Variants in SEMA5A observed in about 807,000 individuals in gnomAD.
The protein encoded by SEMA5A is semaphorin-5A.
A neutral mutation model predicts 135.5 loss-of-function variants in SEMA5A; 55 were observed. The observed-to-expected ratio is 0.41, with a 90% CI of 0.33 to 0.51. The LOEUF is 0.51. Among genes scored for constraint, SEMA5A ranks in the 20% least tolerant of loss-of-function variants. The probability of loss-of-function intolerance (pLI) is 0.37; values close to 1 mark genes in which losing one functional copy is unlikely to be tolerated. For synonymous variants in SEMA5A, 580 were observed against 546.5 expected, an observed-to-expected ratio of 1.06 and a Z score of -0.85; for missense variants, 1,290 against 1,419.9, an observed-to-expected ratio of 0.91 and a Z score of 1.47.
intron 1 of SEMA5A, among the ~76,000 whole-genome samples, chr5:9,490,879 G>A (rs1734968445): frequency 6.6e-6 from 1 of 152,146 alleles, no homozygotes; most frequent in Non-Finnish European, 1.5e-5. Context: ...CAATGCTCAG[G>A]CTGTCCCCAC....
At chr5:9,290,695 T>C (rs1051269260) in intron 5 of SEMA5A, among the ~76,000 whole-genome samples, 2 of 152,330 alleles carry the variant, frequency 1.3e-5, no homozygotes, top group Non-Finnish European at 2.9e-5. Context: ...CATTGATATA[T>C]GTGTATATAC....
chr5:9,253,415 A>G (rs1318320596), intron 5 of SEMA5A, among the ~76,000 whole-genome samples: 1 of 152,176 alleles, frequency 6.6e-6, no homozygotes, highest in African/African-American at 2.4e-5. Context: ...AAATCAAGCC[A>G]CATACACATA....
rs904790449 is a variant in SEMA5A at position 9,315,257 on chromosome 5, T to C, written c.270+3115A>G. ...ATTTGCCTCTGCACATGTGTATAGCTTCTATGTATGTATGTGTATAACAAT... is the reference window on the plus strand; with the variant it reads ...ATTTGCCTCTGCACATGTGTATAGCCTCTATGTATGTATGTGTATAACAAT... On this transcript the variant is annotated intron_variant, in intron 5 of 22. Transcript: ENST00000382496. Among the ~76,000 whole-genome samples the C allele has an allele frequency of 2.0e-5, 3 of 152,294 alleles. No homozygotes were observed. In the East Asian group the frequency reaches 5.8e-4, roughly 29 times the overall value.
intron 2 of SEMA5A, among the ~76,000 whole-genome samples, chr5:9,415,132 C>A (rs1439012450): frequency 6.6e-6 from 1 of 152,172 alleles, no homozygotes; most frequent in African/African-American, 2.4e-5. Context: ...CAAAAAGTTG[C>A]ATTTTTCAGT....
intron 5 of SEMA5A, among the ~76,000 whole-genome samples, chr5:9,280,145 A>G (rs1750465630): frequency 6.6e-6 from 1 of 152,186 alleles, no homozygotes; most frequent in African/African-American, 2.4e-5. Context: ...TGTCAAAAGC[A>G]AATCTAATAC....
At chr5:9,119,733 A>G (rs1740708525) in intron 14 of SEMA5A, among the ~76,000 whole-genome samples, 1 of 152,210 alleles carries the variant, frequency 6.6e-6, no homozygotes, top group South Asian at 2.1e-4. Context: ...AATAATATTC[A>G]AAGCTTTAAA....
intron 12 of SEMA5A, among the ~76,000 whole-genome samples, chr5:9,154,093 A>ATATATATATGTGTGTG (rs372321939): frequency 1.4e-5 from 1 of 73,506 alleles, no homozygotes. Flanking sequence ...ATATATATAT[A>ATATATATATGTGTGTG]TGTGTGTGTG....
intron 1 of SEMA5A, among the ~76,000 whole-genome samples, chr5:9,533,930 C>A (rs1369099758): frequency 6.6e-6 from 1 of 152,170 alleles, no homozygotes; most frequent in Admixed American, 6.5e-5. Context: ...AATTATCAAG[C>A]AAAACCGCAA....
intron 1 of SEMA5A, among the ~76,000 whole-genome samples, chr5:9,456,744 A>G (rs1363250108): frequency 1.3e-5 from 2 of 152,208 alleles, no homozygotes; most frequent in East Asian, 1.9e-4. Context: ...CAAGGGGGGA[A>G]AAACAGCACT....
intron 10 of SEMA5A, among the ~76,000 whole-genome samples, chr5:9,196,261 GTAGTAAATGA>G (rs1355016416): frequency 2.6e-5 from 4 of 152,198 alleles, no homozygotes; most frequent in African/African-American, 9.7e-5. Flanking sequence ...GGTCTTAATG[GTAGTAAATGA>G]GGGTAAGTGA....
At chr5:9,045,741 C>T (rs118024253) in intron 21 of SEMA5A, 2 of 152,282 alleles carry the variant, frequency 1.3e-5, no homozygotes, top group East Asian at 3.9e-4. Context: ...CATGAAATGA[C>T]CTTCTTTTCC....
rs192961245 is a variant in SEMA5A, at chr5:9,036,865, C to G, written c.*6032G>C. On this transcript the variant is annotated 3_prime_UTR_variant, in exon 23 of 23. Transcript: ENST00000382496. ...AACTTTTTCTAGGAAATTAAACTAC[C>G]GCACTTACAGAGAGGGAAGAAAATG... is the stretch of plus-strand genomic sequence containing the variant. 1 of 152,512 alleles carries G rather than the reference C, an allele frequency of 6.6e-6. No individual in the cohort carries two copies. The highest frequency in any genetic ancestry group is 2.4e-5 in the African/African-American group (1 of 41,402). The allele number at this position is 152,512 out of a possible 1,614,324, so 9.4% of individuals were successfully genotyped here.
At chr5:9,524,284 C>T (rs1168147547) in intron 1 of SEMA5A, among the ~76,000 whole-genome samples, 1 of 152,116 alleles carries the variant, frequency 6.6e-6, no homozygotes, top group Non-Finnish European at 1.5e-5. Flanking sequence ...CATGAATTAC[C>T]CAGTCTCAGG....
chr5:9,338,830 T>TGGAA (rs1333216113), intron 3 of SEMA5A, among the ~76,000 whole-genome samples: 1 of 152,178 alleles, frequency 6.6e-6, no homozygotes, highest in African/African-American at 2.4e-5. Context: ...TGGGGGCATA[T>TGGAA]GGAAATATGC....
chr5:9,413,061 T>A (rs577367216), intron 2 of SEMA5A, among the ~76,000 whole-genome samples: 11 of 152,236 alleles, frequency 7.2e-5, no homozygotes, highest in African/African-American at 2.6e-4. Flanking sequence ...CAAAACAAAA[T>A]CCTTACTCCT....
chr5:9,335,636 G>T (rs1753355590), intron 4 of SEMA5A, among the ~76,000 whole-genome samples: 1 of 152,212 alleles, frequency 6.6e-6, no homozygotes, highest in Non-Finnish European at 1.5e-5. Flanking sequence ...CCGGTAAGGG[G>T]TCTGTTCCCT....
chr5:9,395,031 T>A (rs1241091216), intron 2 of SEMA5A, among the ~76,000 whole-genome samples: 1 of 152,182 alleles, frequency 6.6e-6, no homozygotes, highest in Non-Finnish European at 1.5e-5. Context: ...GGAAAATTTT[T>A]AAAAATATAA....
intron 1 of SEMA5A, among the ~76,000 whole-genome samples, chr5:9,520,423 G>A (rs565336408): frequency 2.0e-5 from 3 of 152,130 alleles, no homozygotes; most frequent in Admixed American, 6.5e-5. Flanking sequence ...TGAGGGGAAC[G>A]TGAGCCTCTT....
intron 13 of SEMA5A, among the ~76,000 whole-genome samples, chr5:9,133,488 G>C (rs1298028467): frequency 6.6e-6 from 1 of 152,178 alleles, no homozygotes; most frequent in Non-Finnish European, 1.5e-5. Context: ...TGGGATGACA[G>C]ACATAGTTTT....
Sources: gnomAD v4.1 joint callset for allele counts (sites outside exome capture counted in the v4.1 genomes callset) on GRCh38, gnomAD v4.1.1 for gene constraint, MANE v1.5 for transcripts, NCBI Gene and HGNC (gene_info 2026-07-23, HGNC 2026-07-21) for gene names.